HECW1: variants seen among roughly 807,000 people sequenced by gnomAD.
The protein encoded by HECW1 is E3 ubiquitin-protein ligase HECW1.
Under a neutral mutation model 182.3 loss-of-function variants are expected in HECW1, and 61 were observed. That is an observed-to-expected ratio of 0.33 (90% confidence interval 0.27 to 0.41). The LOEUF is 0.41. Among genes scored for constraint, HECW1 ranks in the 10% least tolerant of loss-of-function variants. HECW1 has a pLI of 1.00. For missense variants in HECW1, 1,739 were observed against 2,108.9 expected, an observed-to-expected ratio of 0.82 and a Z score of 3.44; for synonymous variants, 859 against 832.6, an observed-to-expected ratio of 1.03 and a Z score of -0.55.
chr7:43,222,673 A>G (rs992312242), intron 2 of HECW1, among the ~76,000 whole-genome samples: 1 of 152,176 alleles, frequency 6.6e-6, no homozygotes, highest in Non-Finnish European at 1.5e-5. Context: ...AAATTATTCA[A>G]TTAGTCTGGA....
intron 7 of HECW1, among the ~76,000 whole-genome samples, chr7:43,406,351 C>T (rs865847569): frequency 2.0e-5 from 3 of 152,180 alleles, no homozygotes. Context: ...AATATACAGC[C>T]CTTTCACAGA....
chr7:43,163,878 A>G (rs1451262308), intron 2 of HECW1, among the ~76,000 whole-genome samples: 1 of 152,164 alleles, frequency 6.6e-6, no homozygotes, highest in Admixed American at 6.5e-5. Flanking sequence ...AGTTGAGTAC[A>G]ACTGTAAAGA....
chr7:43,119,410 C>T (rs1468084216), intron 2 of HECW1, among the ~76,000 whole-genome samples: 1 of 152,216 alleles, frequency 6.6e-6, no homozygotes, highest in Non-Finnish European at 1.5e-5. Context: ...CTCTCTCAGG[C>T]TCTTTGGATG....
At chr7:43,457,182 G>A (rs1013835215) in intron 13 of HECW1, among the ~76,000 whole-genome samples, 1 of 152,196 alleles carries the variant, frequency 6.6e-6, no homozygotes, top group Non-Finnish European at 1.5e-5. Context: ...AGATGATGCA[G>A]TAAGCTAGTA....
chr7:43,530,659 A>G (rs2080947048), intron 24 of HECW1, among the ~76,000 whole-genome samples: 1 of 152,120 alleles, frequency 6.6e-6, no homozygotes, highest in African/African-American at 2.4e-5. Flanking sequence ...CTCTCTATTG[A>G]GCTTCAAACT....
At chr7:43,335,841 C>T (rs1812075011) in intron 5 of HECW1, among the ~76,000 whole-genome samples, 1 of 148,600 alleles carries the variant, frequency 6.7e-6, no homozygotes, top group African/African-American at 2.5e-5. Flanking sequence ...TCTCCCTTGA[C>T]TCCCTTTCTC....
intron 18 of HECW1, among the ~76,000 whole-genome samples, chr7:43,492,490 T>G (rs1279079557): frequency 6.6e-6 from 1 of 152,198 alleles, no homozygotes; most frequent in Non-Finnish European, 1.5e-5. Context: ...AGAGCAAGGT[T>G]TAAATGAGGT....
At chr7:43,499,278 G>C (rs2079239550) in intron 19 of HECW1, among the ~76,000 whole-genome samples, 2 of 151,898 alleles carry the variant, frequency 1.3e-5, no homozygotes, top group Admixed American at 6.6e-5. Flanking sequence ...GTGAGACCCT[G>C]TCTCAAAAAA....
chr7:43,127,865 C>T (rs752766171), intron 2 of HECW1, among the ~76,000 whole-genome samples: 75 of 150,578 alleles, frequency 5.0e-4, no homozygotes, highest in Non-Finnish European at 9.8e-4. Context: ...AAGGTGGCTA[C>T]ATTAAAAATT....
intron 2 of HECW1, among the ~76,000 whole-genome samples, chr7:43,161,945 C>G (rs1790578014): frequency 6.6e-6 from 1 of 152,216 alleles, no homozygotes; most frequent in Non-Finnish European, 1.5e-5. Context: ...GGGCTTGCGC[C>G]TTTCACCGCC....
intron 2 of HECW1, among the ~76,000 whole-genome samples, chr7:43,240,294 G>T (rs570090254): frequency 2.9e-4 from 44 of 151,962 alleles, no homozygotes; most frequent in African/African-American, 1.0e-3. Flanking sequence ...GCCGAGATCT[G>T]GCCACTACAC....
intron 3 of HECW1, among the ~76,000 whole-genome samples, chr7:43,289,808 A>G (rs1312622864): frequency 2.6e-5 from 4 of 152,250 alleles, no homozygotes; most frequent in Admixed American, 6.5e-5. Context: ...AGGAAAGGAC[A>G]TAAATCAGTA....
Position 43,214,812 on chromosome 7 carries a change from A to G in HECW1, c.-31-29063A>G, listed in dbSNP as rs113393628. ...AGAGAGGGGCCAGCTCACAGCCCAC[A>G]GTGAGGGAACCATGTGGGGGCATGT... On this transcript the variant is annotated intron_variant, in intron 2 of 29. Transcript: ENST00000395891. 8.9e-3 allele frequency among the ~76,000 whole-genome samples: 1,349 copies of G among 152,340 alleles called. 19 individuals are homozygous for G. Among genetic ancestry groups the G allele is most frequent in the African/African-American group, 0.031 (1,282 of 41,586 alleles).
chr7:43,117,659 C>G (rs752818647), intron 2 of HECW1, among the ~76,000 whole-genome samples: 1 of 152,150 alleles, frequency 6.6e-6, no homozygotes, highest in African/African-American at 2.4e-5. Flanking sequence ...GTCTTAAAGC[C>G]TCTTTAAATA....
intron 24 of HECW1, among the ~76,000 whole-genome samples, chr7:43,515,869 T>C (rs1346034479): frequency 6.6e-6 from 1 of 152,240 alleles, no homozygotes; most frequent in Non-Finnish European, 1.5e-5. Flanking sequence ...ATATTTTGAA[T>C]GGAGGCATAA....
intron 4 of HECW1, among the ~76,000 whole-genome samples, chr7:43,317,090 A>G (rs1005170757): frequency 2.6e-5 from 4 of 152,050 alleles, no homozygotes; most frequent in African/African-American, 9.7e-5. Context: ...ATCTTGTTGA[A>G]AGGATTCCTT....
chr7:43,123,023 T>C (rs1006108), intron 2 of HECW1, among the ~76,000 whole-genome samples: 44,107 of 152,122 alleles, frequency 0.29, 6,557 homozygotes, highest in Admixed American at 0.35. Context: ...AAGGTGAAAA[T>C]GTCCAAAGAC....
intron 8 of HECW1, among the ~76,000 whole-genome samples, chr7:43,423,000 G>A (rs1260178958): frequency 6.6e-6 from 1 of 152,168 alleles, no homozygotes; most frequent in East Asian, 1.9e-4. Context: ...CCAAGGCGTT[G>A]TAAACAATCT....
chr7:43,300,638 C>T (rs2152762612), intron 3 of HECW1, among the ~76,000 whole-genome samples: 1 of 152,290 alleles, frequency 6.6e-6, no homozygotes, highest in East Asian at 1.9e-4. Flanking sequence ...GAGACATCAA[C>T]ACTGAATTTA....
Sources: gnomAD v4.1 joint callset for allele counts (sites outside exome capture counted in the v4.1 genomes callset) on GRCh38, gnomAD v4.1.1 for gene constraint, MANE v1.5 for transcripts, NCBI Gene and HGNC (gene_info 2026-07-23, HGNC 2026-07-21) for gene names.